SMARCA1: variants seen among roughly 807,000 people sequenced by gnomAD.
SMARCA1 encodes SWI/SNF-related matrix-associated actin-dependent regulator of chromatin subfamily A member 1.
Under a neutral mutation model 93.6 loss-of-function variants are expected in SMARCA1, and 17 were observed. That is an observed-to-expected ratio of 0.18 (90% confidence interval 0.12 to 0.27). The LOEUF (loss-of-function observed/expected upper bound fraction) is 0.27, where lower values mean the gene tolerates loss of function less well. Ranked by LOEUF, SMARCA1 falls within the 10% of genes least tolerant of loss-of-function variation. The pLI is 1.00. For synonymous variants in SMARCA1, 271 were observed against 271.4 expected, an observed-to-expected ratio of 1.00 and a Z score of 0.01; for missense variants, 630 against 819.0, an observed-to-expected ratio of 0.77 and a Z score of 2.82.
At position 129,506,164 on chromosome X, in the gene SMARCA1, T is replaced by A; in HGVS notation, c.1014A>T (p.Leu338=). 2 of 1,196,149 alleles carry A rather than the reference T, an allele frequency of 1.7e-6. No homozygotes were observed. The highest frequency in any genetic ancestry group is 2.3e-6 in the Non-Finnish European group (2 of 881,714). The change falls in exon 8 of 25, where the codon CTA becomes CTT. Residue 338 remains leucine (L), a synonymous_variant. Transcript: ENST00000371121. ...REFKSTNRLL[L]TGTPLQNNLH... is the part of the protein sequence containing the mutation. The stretch of plus-strand genomic sequence containing the variant: ...GGTTATTCTGCAAAGGTGTTCCAGT[T>A]AGGAGCAAGCGGTTAGTCGACTTGA...
chrX:129,480,278 C>T (rs1045327536), intron 19 of SMARCA1, among the ~76,000 whole-genome samples: 3 of 112,091 alleles, frequency 2.7e-5, no homozygotes, highest in African/African-American at 9.7e-5. Context: ...AATCTACTAA[C>T]CACCAGCAAG....
At chrX:129,503,283 C>T (rs1437903324) in intron 9 of SMARCA1, among the ~76,000 whole-genome samples, 1 of 112,320 alleles carries the variant, frequency 8.9e-6, no homozygotes, top group East Asian at 2.8e-4. Context: ...TGGTTCCAAC[C>T]TGGACAGTTG....
At chrX:129,471,165 G>T in intron 20 of SMARCA1, 39 bp downstream of exon 20, 2 of 1,098,758 alleles carry the variant, frequency 1.8e-6, no homozygotes, top group Admixed American at 2.8e-5. Context: ...TTTTTCTATT[G>T]ATTGACTGTA....
chrX:129,471,475 G>T, intron 19 of SMARCA1, 149 bp from the exon 20 acceptor site: 1 of 411,015 alleles, frequency 2.4e-6, no homozygotes, highest in Non-Finnish European at 4.1e-6. Flanking sequence ...CCACATTTCT[G>T]CTACCATGAT....
chrX:129,521,834 T>C (rs1935405003), intron 1 of SMARCA1, among the ~76,000 whole-genome samples: 1 of 112,682 alleles, frequency 8.9e-6, no homozygotes, highest in African/African-American at 3.2e-5. Flanking sequence ...ACGGTTTTCA[T>C]TTAGCACTAC....
At chrX:129,516,692 T>A (rs1265223927) in intron 2 of SMARCA1, among the ~76,000 whole-genome samples, 195 bp from the exon 3 acceptor site, 1 of 111,766 alleles carries the variant, frequency 8.9e-6, no homozygotes, top group African/African-American at 3.2e-5. Flanking sequence ...AGAGGGTAAG[T>A]AATTTGCCCA....
intron 10 of SMARCA1, among the ~76,000 whole-genome samples, 200 bp from the exon 11 acceptor site, chrX:129,498,271 TG>T (rs758538494): frequency 1.5e-4 from 17 of 112,067 alleles, no homozygotes; most frequent in African/African-American, 5.2e-4. Context: ...TGTTTCCTCC[TG>T]CTTTATCCAT....
At chrX:129,476,808 C>T (rs779805584) in intron 19 of SMARCA1, among the ~76,000 whole-genome samples, 4 of 111,530 alleles carry the variant, frequency 3.6e-5, no homozygotes, top group African/African-American at 1.3e-4. Context: ...ATATGTCTAA[C>T]GGTTATATAT....
intron 23 of SMARCA1, among the ~76,000 whole-genome samples, chrX:129,451,891 G>A (rs1413500182): frequency 1.8e-5 from 2 of 110,705 alleles, no homozygotes; most frequent in East Asian, 5.7e-4. Flanking sequence ...TTTTAGTAGA[G>A]ACAGGGTTTC....
Position 129,498,010 on chromosome X carries a change from T to G in SMARCA1, c.1339A>C (p.Met447Leu), listed in dbSNP as rs1356157727. ...VLNSSGKMDK[M>L]RLLNILMQLR... ...TGCATCAGAATGTTTAAGAGTCGCA[T>G]CTTGTCCATCTTGCCAGAAGAGTTT... Residue 447 changes from methionine (M) to leucine (L), a missense_variant, in exon 11 of 25, where the codon ATG becomes CTG. Around this residue, in one of 4 missense-constraint regions of SMARCA1, gnomAD observed 382 missense variants for 537.9 expected, o/e 0.71. Coordinates refer to ENST00000371121, the MANE Select transcript of SMARCA1 (RefSeq NM_001282874.2). The G allele has an allele frequency of 2.5e-6, 3 of 1,207,464 alleles. No individual in the cohort carries two copies. The South Asian group carries it at 5.3e-5, about 21-fold the overall frequency.
chrX:129,459,720 G>A (rs745880145), intron 23 of SMARCA1, among the ~76,000 whole-genome samples: 5 of 112,401 alleles, frequency 4.4e-5, no homozygotes, highest in African/African-American at 9.7e-5. Flanking sequence ...TAATTTGCTC[G>A]CATTCTATCC....
At chrX:129,476,757 G>A (rs6529374) in intron 19 of SMARCA1, among the ~76,000 whole-genome samples, 17,872 of 111,343 alleles carry the variant, frequency 0.16, 1,467 homozygotes, top group East Asian at 0.52. Context: ...TTCTGAAGGT[G>A]CAAGGGGGAA....
chrX:129,480,863 G>A (rs375238932), intron 18 of SMARCA1, 49 bp from the exon 19 acceptor site: 2 of 780,947 alleles, frequency 2.6e-6, no homozygotes, highest in African/African-American at 4.3e-5. Context: ...AGTACATGAA[G>A]TAAACTTACT....
chrX:129,512,463 T>A (rs1721756449), intron 5 of SMARCA1, among the ~76,000 whole-genome samples: 1 of 111,614 alleles, frequency 9.0e-6, no homozygotes, highest in African/African-American at 3.3e-5. Flanking sequence ...GCTCTGTACT[T>A]GCATCTCACA....
chrX:129,478,027 C>T (rs1470237461), intron 19 of SMARCA1, among the ~76,000 whole-genome samples: 1 of 111,586 alleles, frequency 9.0e-6, no homozygotes, highest in Non-Finnish European at 1.9e-5. Flanking sequence ...GAGGTGCCAC[C>T]TGCCTCAGCT....
At chrX:129,459,440 T>C (rs563391979) in intron 23 of SMARCA1, among the ~76,000 whole-genome samples, 3 of 112,156 alleles carry the variant, frequency 2.7e-5, no homozygotes, top group African/African-American at 9.7e-5. Context: ...AAAGAAAATG[T>C]TGTTATCACT....
intron 13 of SMARCA1, among the ~76,000 whole-genome samples, chrX:129,492,599 A>T (rs1934169762): frequency 9.0e-6 from 1 of 111,410 alleles, no homozygotes; most frequent in Admixed American, 9.6e-5. Flanking sequence ...GGGGAAAGTA[A>T]GAAGATTTCT....
At chrX:129,516,618 T>C (rs1301782569) in intron 2 of SMARCA1, 121 bp from the exon 3 acceptor site, 7 of 561,058 alleles carry the variant, frequency 1.2e-5, no homozygotes, top group Non-Finnish European at 2.0e-5. Context: ...TCAATTCTCT[T>C]AAGAAACCTA....
intron 22 of SMARCA1, 49 bp downstream of exon 22, chrX:129,465,795 C>T: frequency 2.7e-5 from 29 of 1,064,581 alleles, no homozygotes; most frequent in Non-Finnish European, 3.4e-5. Flanking sequence ...AAGCTGACCA[C>T]TATTTCAATT....
Sources: gnomAD v4.1 joint callset for allele counts (sites outside exome capture counted in the v4.1 genomes callset) on GRCh38, gnomAD v4.1.1 for gene constraint, gnomAD v4.1.1 regional missense constraint, MANE v1.5 for transcripts, NCBI Gene and HGNC (gene_info 2026-07-23, HGNC 2026-07-21) for gene names.